Variants in KSR1 observed in about 807,000 individuals in gnomAD.
KSR1 encodes the protein kinase suppressor of ras 1.
KSR1 carries 35 observed loss-of-function variants against 92.9 expected under a neutral mutation model. That is an observed-to-expected ratio of 0.38 (90% CI 0.29 to 0.50). The LOEUF (loss-of-function observed/expected upper bound fraction) is 0.50. Among genes scored for constraint, KSR1 ranks in the 20% least tolerant of loss-of-function variants. The pLI is 0.94. For missense variants in KSR1, 972 were observed against 1,158.5 expected (o/e 0.84, Z 2.34); for synonymous variants, 467 against 472.6 (o/e 0.99, Z 0.15).
At chr17:27,518,765 C>T (rs552729244) in intron 1 of KSR1, among the ~76,000 whole-genome samples, 2 of 152,330 alleles carry the variant, frequency 1.3e-5, no homozygotes, top group Admixed American at 6.5e-5. Context: ...TCCCTAGACC[C>T]TCCTCCCTCT....
At chr17:27,615,033 G>T (rs1425750291) in intron 18 of KSR1, among the ~76,000 whole-genome samples, 1 of 152,232 alleles carries the variant, frequency 6.6e-6, no homozygotes, top group African/African-American at 2.4e-5. Flanking sequence ...GAGGCAGCCA[G>T]TGAGTTATTA....
chr17:27,576,702 G>A (rs1399459273), intron 2 of KSR1, among the ~76,000 whole-genome samples: 1 of 152,234 alleles, frequency 6.6e-6, no homozygotes, highest in East Asian at 1.9e-4. Context: ...ACATTACTCA[G>A]AATGGTGCAT....
At position 27,563,981 on chromosome 17, in the gene KSR1, CTTTTTTTTTTTTT is replaced by C. The variant is rs200904358; in HGVS notation, c.372+13286_372+13298del. On this transcript the variant is annotated intron_variant, in intron 2 of 20. Transcript: ENST00000644974. ...TATTTGTACAGTTGGTATTCGGTAG[CTTTTTTTTTTTTT>C]TTTTTTTTTTTTGAGATGGAATTTC... 9.1e-3 allele frequency among the ~76,000 whole-genome samples: 426 copies of C among 46,948 alleles called. 14 individuals are homozygous for C. Among genetic ancestry groups the C allele is most frequent in the African/African-American group, 0.019 (210 of 10,814 alleles). 30.8% of individuals were successfully genotyped at this position (46,948 alleles called of 152,430 possible).
At chr17:27,549,779 G>A (rs569041893) in intron 1 of KSR1, among the ~76,000 whole-genome samples, 85 of 152,254 alleles carry the variant, frequency 5.6e-4, no homozygotes, top group African/African-American at 8.4e-4. Context: ...CATTTCTTCC[G>A]TCTCTCTGAG....
At chr17:27,570,692 G>T (rs777795430) in intron 2 of KSR1, among the ~76,000 whole-genome samples, 1 of 152,176 alleles carries the variant, frequency 6.6e-6, no homozygotes, top group African/African-American at 2.4e-5. Flanking sequence ...GTGAGTTTGG[G>T]CTGGGCTCGA....
rs747702316 is a variant in KSR1, at chr17:27,622,025, G to A, written c.2708+752G>A. On this transcript the variant is annotated intron_variant, in intron 20 of 20. Coordinates refer to ENST00000644974, the MANE Select transcript of KSR1 (RefSeq NM_001394583.1). ...TCTGCTAAAATGCAAAATGAGATGCGGGCACTAACCCAGGGGATGCCACCT... is the reference window on the plus strand; with the variant it reads ...TCTGCTAAAATGCAAAATGAGATGCAGGCACTAACCCAGGGGATGCCACCT... 145 of 1,214,738 alleles carry A rather than the reference G, an allele frequency of 1.2e-4. No individual in the cohort carries two copies. In the Admixed American group the frequency reaches 2.1e-3, roughly 17 times the overall value. 75.2% of individuals were successfully genotyped at this position (1,214,738 alleles called of 1,614,324 possible).
chr17:27,625,809 A>G lies in KSR1; in HGVS notation c.*2417A>G, dbSNP rs2074328437. 6.6e-6 allele frequency: 1 copy of G among 152,238 alleles called. No individual in the cohort carries two copies. The highest frequency in any genetic ancestry group is 2.4e-5 in the African/African-American group (1 of 41,454). 9.4% of individuals were successfully genotyped at this position (152,238 alleles called of 1,614,324 possible). Reference sequence around the variant, plus strand: ...GCTCTTAGGGGCTGCGGAAGTCCCCACGGGGGTCTGAGAGTGGAGCCCAAG... The same window carrying G: ...GCTCTTAGGGGCTGCGGAAGTCCCCGCGGGGGTCTGAGAGTGGAGCCCAAG... On this transcript the variant is annotated 3_prime_UTR_variant, in exon 21 of 21. Coordinates refer to ENST00000644974, the MANE Select transcript of KSR1 (RefSeq NM_001394583.1).
intron 15 of KSR1, 36 bp from the exon 16 acceptor site, chr17:27,609,160 G>A (rs751243655): frequency 2.7e-5 from 43 of 1,595,698 alleles, no homozygotes; most frequent in East Asian, 4.5e-5. Flanking sequence ...CTCCGTCATC[G>A]TTGCACATCT....
chr17:27,472,813 T>TA (rs892351037), intron 1 of KSR1, among the ~76,000 whole-genome samples: 113 of 147,188 alleles, frequency 7.7e-4, no homozygotes, highest in Middle Eastern at 6.8e-3. Flanking sequence ...AAAATGAAAA[T>TA]AAAAAAAAAA....
intron 1 of KSR1, among the ~76,000 whole-genome samples, chr17:27,540,277 C>G (rs1223485918): frequency 1.3e-5 from 2 of 152,186 alleles, no homozygotes; most frequent in Admixed American, 1.3e-4. Context: ...CAAGTGAGCT[C>G]GTTTTGTCTC....
chr17:27,600,614 A>G (rs2073521955), intron 10 of KSR1, among the ~76,000 whole-genome samples: 1 of 152,164 alleles, frequency 6.6e-6, no homozygotes, highest in Non-Finnish European at 1.5e-5. Context: ...ATTTCCCGCC[A>G]GCGTCACCAC....
chr17:27,498,978 A>G (rs2069086942), intron 1 of KSR1, among the ~76,000 whole-genome samples: 1 of 152,184 alleles, frequency 6.6e-6, no homozygotes, highest in Non-Finnish European at 1.5e-5. Flanking sequence ...GAGGACTTCT[A>G]TGAAAAAATG....
intron 1 of KSR1, chr17:27,465,608 T>A (rs2019660159): frequency 6.6e-6 from 1 of 152,248 alleles, no homozygotes; most frequent in Non-Finnish European, 1.5e-5. Flanking sequence ...AAATGTGGAC[T>A]ATGCCAGCTA....
chr17:27,602,431 C>G (rs980734422), intron 11 of KSR1, among the ~76,000 whole-genome samples: 5 of 152,212 alleles, frequency 3.3e-5, no homozygotes, highest in Non-Finnish European at 7.4e-5. Flanking sequence ...AGATATGGCT[C>G]TTCTCCCAGA....
At chr17:27,567,850 A>G (rs1003049481) in intron 2 of KSR1, among the ~76,000 whole-genome samples, 4 of 152,158 alleles carry the variant, frequency 2.6e-5, no homozygotes, top group Non-Finnish European at 5.9e-5. Flanking sequence ...GTTTGGGGTG[A>G]CCCAGGCAGG....
intron 1 of KSR1, among the ~76,000 whole-genome samples, chr17:27,505,043 G>C (rs1412079347): frequency 6.6e-6 from 1 of 152,190 alleles, no homozygotes; most frequent in Admixed American, 6.5e-5. Flanking sequence ...GGGTCAGAAA[G>C]GGATGGTTCA....
chr17:27,546,574 G>C (rs1265174531), intron 1 of KSR1, among the ~76,000 whole-genome samples: 1 of 152,160 alleles, frequency 6.6e-6, no homozygotes, highest in Non-Finnish European at 1.5e-5. Context: ...GAAGGGGAGA[G>C]GCGGACTCTG....
At chr17:27,501,292 CTTTTTTTTTTTT>C in intron 1 of KSR1, among the ~76,000 whole-genome samples, 5 of 49,704 alleles carry the variant, frequency 1.0e-4, no homozygotes, top group East Asian at 8.7e-4. Flanking sequence ...TTCTTTTCTT[CTTTTTTTTTTTT>C]TTTTTTTTTT....
In KSR1 at chr17:27,592,357, C is replaced by T; in HGVS notation, c.1131-4C>T. On this transcript the variant is annotated splice_region_variant and splice_polypyrimidine_tract_variant and intron_variant, in intron 7 of 20. Coordinates refer to ENST00000644974, the MANE Select transcript of KSR1 (RefSeq NM_001394583.1). ...TTGCACACCAACCTCCCCTTCTTTA[C>T]CAGGTTGAAGTGTCACAACAAATGT... 2.5e-6 allele frequency: 4 copies of T among 1,613,726 alleles called. No individual in the cohort carries two copies. The highest frequency in any genetic ancestry group is 2.5e-6 in the Non-Finnish European group (3 of 1,179,664).
Sources: gnomAD v4.1 joint callset for allele counts (sites outside exome capture counted in the v4.1 genomes callset) on GRCh38, gnomAD v4.1.1 for gene constraint, MANE v1.5 for transcripts, NCBI Gene and HGNC (gene_info 2026-07-23, HGNC 2026-07-21) for gene names.